Variants in OXSR1 observed in about 807,000 individuals in gnomAD.
The protein encoded by OXSR1 is oxidative stress responsive kinase 1.
In OXSR1, 24 loss-of-function variants were observed where a neutral mutation model predicts 79.8. That is an observed-to-expected ratio of 0.30 (90% CI 0.22 to 0.42). The LOEUF (loss-of-function observed/expected upper bound fraction) is 0.42. Ranked by LOEUF, OXSR1 falls within the 10% of genes least tolerant of loss-of-function variation. The pLI is 1.00. For missense variants in OXSR1, 430 were observed against 618.4 expected (o/e 0.70, Z 3.23); for synonymous variants, 226 against 209.2 (o/e 1.08, Z -0.69).
At chr3:38,244,666 T>TGTGTGTGTGTGTGTGTGTGCGCGC (rs748851263) in intron 12 of OXSR1, among the ~76,000 whole-genome samples, 7 of 143,956 alleles carry the variant, frequency 4.9e-5, no homozygotes, top group Non-Finnish European at 7.5e-5. Context: ...TGTGTGTGTG[T>TGTGTGTGTGTGTGTGTGTGCGCGC]GCGTGCGCAT....
At chr3:38,176,446 G>A (rs773506462) in intron 1 of OXSR1, among the ~76,000 whole-genome samples, 22 of 152,076 alleles carry the variant, frequency 1.4e-4, no homozygotes, top group Non-Finnish European at 2.8e-4. Flanking sequence ...ATGAGAGAAC[G>A]TCATTGATTA....
intron 4 of OXSR1, among the ~76,000 whole-genome samples, chr3:38,207,312 G>A (rs1322489604): frequency 6.6e-6 from 1 of 152,096 alleles, no homozygotes; most frequent in Non-Finnish European, 1.5e-5. Flanking sequence ...TAATAGTCTG[G>A]GCATAAATGA....
intron 2 of OXSR1, among the ~76,000 whole-genome samples, chr3:38,186,317 T>A (rs752512496): frequency 2.6e-5 from 4 of 152,194 alleles, no homozygotes; most frequent in Non-Finnish European, 5.9e-5. Context: ...TTTTAAAACA[T>A]AACAGCTTTA....
At position 38,236,828 on chromosome 3, in the gene OXSR1, C is replaced by G. The variant is rs200314434; in HGVS notation, c.952-11C>G. 56 of 1,589,058 alleles carry G rather than the reference C, an allele frequency of 3.5e-5. No individual in the cohort carries two copies. Among genetic ancestry groups the G allele is most frequent in the Non-Finnish European group, 4.6e-5 (54 of 1,167,414 alleles). Reference sequence around the variant, plus strand: ...ATACCACCATAACCCACTTCTCTTTCTAATGAGCAGGTTCGGAGAGTACCA... The same window carrying G: ...ATACCACCATAACCCACTTCTCTTTGTAATGAGCAGGTTCGGAGAGTACCA... On this transcript the variant is annotated splice_polypyrimidine_tract_variant and intron_variant, in intron 10 of 17. Coordinates refer to ENST00000311806, the MANE Select transcript of OXSR1 (RefSeq NM_005109.3).
rs1262974894 is a variant in OXSR1 at position 38,165,840 on chromosome 3, C to A, written c.-37C>A. ...GCGGCGAGGAGACGAGCGAGGTCAG[C>A]GAGTTTGAGGGAGGACCGCGAGCCG... On this transcript the variant is annotated 5_prime_UTR_variant, in exon 1 of 18. Coordinates refer to ENST00000311806, the MANE Select transcript of OXSR1 (RefSeq NM_005109.3). 6 of 1,580,318 alleles carry A rather than the reference C, an allele frequency of 3.8e-6. No homozygotes were observed. In the Admixed American group the frequency reaches 8.7e-5, roughly 23 times the overall value.
intron 10 of OXSR1, among the ~76,000 whole-genome samples, chr3:38,235,821 A>G (rs1702907698): frequency 6.6e-6 from 1 of 152,226 alleles, no homozygotes; most frequent in African/African-American, 2.4e-5. Flanking sequence ...TGGAATCAAG[A>G]TAAGTTCAGA....
chr3:38,173,817 A>C (rs1701628944), intron 1 of OXSR1, among the ~76,000 whole-genome samples: 1 of 152,254 alleles, frequency 6.6e-6, no homozygotes. Context: ...CAAACACAAA[A>C]AATGCCTGCT....
chr3:38,206,498 TAAA>T (rs1175334961), intron 4 of OXSR1, among the ~76,000 whole-genome samples: 2 of 136,302 alleles, frequency 1.5e-5, no homozygotes, highest in Non-Finnish European at 1.6e-5. Context: ...ATTGCATTCT[TAAA>T]AAAAAAAAAA....
chr3:38,251,906 C>A (rs748324794), intron 16 of OXSR1, among the ~76,000 whole-genome samples: 1 of 152,184 alleles, frequency 6.6e-6, no homozygotes, highest in Non-Finnish European at 1.5e-5. Context: ...TCCTTAGACA[C>A]AGTTTTCCGT....
intron 11 of OXSR1, among the ~76,000 whole-genome samples, chr3:38,239,873 G>A (rs1190829013): frequency 2.0e-5 from 3 of 152,186 alleles, no homozygotes; most frequent in African/African-American, 7.2e-5. Context: ...CAGCTTGGAA[G>A]CTTTCAAGGC....
chr3:38,184,255 G>A (rs375138670), intron 2 of OXSR1, among the ~76,000 whole-genome samples: 3 of 152,108 alleles, frequency 2.0e-5, no homozygotes, highest in African/African-American at 4.8e-5. Context: ...TGAGATGGAC[G>A]AGACAAATGT....
rs780136849 is a variant in OXSR1 at position 38,224,558 on chromosome 3, A to G, written c.703-13A>G. On this transcript the variant is annotated splice_polypyrimidine_tract_variant and intron_variant, in intron 7 of 17. Transcript: ENST00000311806. Reference sequence around the variant, plus strand: ...GTCATCACAAGTTTATAGTATATTGAAAATTCTTGCAGGTTTTAATGCTGA... The same window carrying G: ...GTCATCACAAGTTTATAGTATATTGGAAATTCTTGCAGGTTTTAATGCTGA... The G allele has an allele frequency of 1.3e-6, 2 of 1,574,926 alleles. No homozygotes were observed. The highest frequency in any genetic ancestry group is 1.2e-5 in the South Asian group (1 of 82,626).
chr3:38,250,044 A>G, intron 15 of OXSR1, 26 bp downstream of exon 15: 2 of 1,403,562 alleles, frequency 1.4e-6, no homozygotes, highest in Non-Finnish European at 2.0e-6. Flanking sequence ...GATTGAAAAC[A>G]AAATAGCTTC....
intron 3 of OXSR1, among the ~76,000 whole-genome samples, chr3:38,198,121 T>C (rs779508003): frequency 4.6e-5 from 7 of 152,224 alleles, no homozygotes; most frequent in Non-Finnish European, 8.8e-5. Context: ...TTTCTTATCC[T>C]GGGAAGTTTA....
In OXSR1 at chr3:38,252,809, G is replaced by A. The variant is rs751246904; in HGVS notation, c.1510-8G>A. ...TAATCACAGTTTCTCATTTTGTTTG[G>A]TTCTTAGGCATCTGGTGTCGAAGGC... On this transcript the variant is annotated splice_region_variant and splice_polypyrimidine_tract_variant and intron_variant, in intron 17 of 17. Transcript: ENST00000311806. The A allele has an allele frequency of 6.2e-7, 1 of 1,608,562 alleles. No individual in the cohort carries two copies. The highest frequency in any genetic ancestry group is 1.7e-5 in the Admixed American group (1 of 59,952).
At chr3:38,230,582 A>G (rs1328972787) in intron 10 of OXSR1, 152 bp downstream of exon 10, 2 of 603,820 alleles carry the variant, frequency 3.3e-6, no homozygotes, top group Admixed American at 2.9e-5. Context: ...TCATTCAGCA[A>G]ATATCTTTGG....
intron 1 of OXSR1, among the ~76,000 whole-genome samples, chr3:38,178,166 G>C (rs1033074224): frequency 6.6e-6 from 1 of 152,130 alleles, no homozygotes; most frequent in African/African-American, 2.4e-5. Context: ...GGCCAGGCTG[G>C]TCTCGAACTC....
chr3:38,198,941 G>A lies in OXSR1; in HGVS notation c.434+78G>A, dbSNP rs562047588. On this transcript the variant is annotated intron_variant, in intron 4 of 17. Coordinates refer to ENST00000311806, the MANE Select transcript of OXSR1 (RefSeq NM_005109.3). ...ACTCTTTTACAGAATCGTGATCTCT[G>A]ACTGTTATCATAGCTCTTTGTATCA... 10 of 1,239,472 alleles carry A rather than the reference G, an allele frequency of 8.1e-6. No homozygotes were observed. The Admixed American group carries it at 1.9e-4, about 24-fold the overall frequency. 76.8% of individuals were successfully genotyped at this position (1,239,472 alleles called of 1,614,324 possible).
intron 4 of OXSR1, among the ~76,000 whole-genome samples, chr3:38,209,973 C>G (rs1012454724): frequency 1.3e-5 from 2 of 152,048 alleles, no homozygotes; most frequent in African/African-American, 4.8e-5. Flanking sequence ...ACTGCAAAGT[C>G]CCTCAGTTTT....
Sources: gnomAD v4.1 joint callset for allele counts (sites outside exome capture counted in the v4.1 genomes callset) on GRCh38, gnomAD v4.1.1 for gene constraint, MANE v1.5 for transcripts, NCBI Gene and HGNC (gene_info 2026-07-23, HGNC 2026-07-21) for gene names.